Variants in CORIN observed in about 807,000 individuals in gnomAD.
CORIN encodes the protein corin, serine peptidase.
A neutral mutation model predicts 125.3 loss-of-function variants in CORIN; 117 were observed. That is an observed-to-expected ratio of 0.93 (90% CI 0.80 to 1.09). The LOEUF is 1.09. Among genes scored for constraint, CORIN ranks in the 50% least tolerant of loss-of-function variants. The probability of loss-of-function intolerance (pLI) is 0.00; values close to 1 mark genes in which losing one functional copy is unlikely to be tolerated. For missense variants in CORIN, 1,253 were observed against 1,306.7 expected, an observed-to-expected ratio of 0.96 and a Z score of 0.63; for synonymous variants, 450 against 466.4, an observed-to-expected ratio of 0.96 and a Z score of 0.45.
intron 15 of CORIN, among the ~76,000 whole-genome samples, chr4:47,642,328 G>A (rs1393129248): frequency 6.6e-6 from 1 of 152,226 alleles, no homozygotes; most frequent in African/African-American, 2.4e-5. Flanking sequence ...AAGACAGCCA[G>A]AGCCAGGCCT....
intron 3 of CORIN, among the ~76,000 whole-genome samples, chr4:47,783,058 C>T (rs1450289833): frequency 1.3e-5 from 2 of 152,040 alleles, no homozygotes; most frequent in Non-Finnish European, 2.9e-5. Flanking sequence ...CATCAATTTA[C>T]TCTCTTGTCA....
chr4:47,773,456 A>G (rs1412946204), intron 3 of CORIN, among the ~76,000 whole-genome samples: 5 of 152,200 alleles, frequency 3.3e-5, no homozygotes, highest in Non-Finnish European at 7.4e-5. Flanking sequence ...GCAGGTCTGC[A>G]TACCAAAGCC....
intron 7 of CORIN, chr4:47,682,182 G>T (rs1018104810): frequency 6.5e-6 from 1 of 152,814 alleles, no homozygotes; most frequent in Non-Finnish European, 1.5e-5. Context: ...GGTGGCTCAT[G>T]CCTGTAATCC....
At position 47,641,929 on chromosome 4, in the gene CORIN, A is replaced by C; in HGVS notation, c.2189T>G (p.Met730Arg). 1 of 1,613,316 alleles carries C rather than the reference A, an allele frequency of 6.2e-7. No individual in the cohort carries two copies. The highest frequency in any genetic ancestry group is 8.5e-7 in the Non-Finnish European group (1 of 1,179,476). ...AAACTACTGACCTTACCCTAAACCCATCTGCTTGCAGGCCAGCTGACTCAA... is the reference window on the plus strand; with the variant it reads ...AAACTACTGACCTTACCCTAAACCCCTCTGCTTGCAGGCCAGCTGACTCAA... ...EILSQLACKQ[M>R]GLGEPSVTKL... The change falls in exon 16 of 22, where the codon ATG (methionine) becomes AGG (arginine). Residue 730 changes from methionine (M) to arginine (R), a missense_variant. Coordinates refer to ENST00000273857, the MANE Select transcript of CORIN (RefSeq NM_006587.4).
chr4:47,807,082 G>T (rs1057030226), intron 1 of CORIN, 35 bp from the exon 2 acceptor site: 2 of 1,558,290 alleles, frequency 1.3e-6, no homozygotes, highest in Non-Finnish European at 1.8e-6. Context: ...CATGGTTTTA[G>T]TTTTACAATA....
intron 5 of CORIN, among the ~76,000 whole-genome samples, chr4:47,726,675 A>G (rs1043400722): frequency 6.6e-6 from 1 of 152,094 alleles, no homozygotes; most frequent in Non-Finnish European, 1.5e-5. Context: ...ACACACACAT[A>G]CAGTGAATTT....
intron 20 of CORIN, among the ~76,000 whole-genome samples, chr4:47,601,977 T>G (rs1721464673): frequency 6.6e-6 from 1 of 152,142 alleles, no homozygotes; most frequent in African/African-American, 2.4e-5. Context: ...AGCCATGGCA[T>G]TATACTTGAT....
chr4:47,827,364 T>G (rs1431566469), intron 1 of CORIN, among the ~76,000 whole-genome samples: 1 of 152,230 alleles, frequency 6.6e-6, no homozygotes, highest in Non-Finnish European at 1.5e-5. Flanking sequence ...ATAAAGCATT[T>G]TCATTAATAC....
At chr4:47,697,891 C>T (rs1045690105) in intron 5 of CORIN, among the ~76,000 whole-genome samples, 1 of 151,864 alleles carries the variant, frequency 6.6e-6, no homozygotes, top group African/African-American at 2.4e-5. Flanking sequence ...ATAGAAATAT[C>T]TAATGACGTA....
chr4:47,782,141 T>G (rs1730580607), intron 3 of CORIN, among the ~76,000 whole-genome samples: 1 of 151,886 alleles, frequency 6.6e-6, no homozygotes. Flanking sequence ...TCTCAGCACT[T>G]CGGGAGGCCA....
chr4:47,642,832 T>C (rs1242210697), intron 15 of CORIN: 3 of 1,449,404 alleles, frequency 2.1e-6, no homozygotes, highest in African/African-American at 1.4e-5. Flanking sequence ...TGGCAGACTA[T>C]CATTAAATTT....
intron 4 of CORIN, among the ~76,000 whole-genome samples, chr4:47,759,592 G>A (rs1366837335): frequency 6.6e-6 from 1 of 151,992 alleles, no homozygotes; most frequent in African/African-American, 2.4e-5. Context: ...CATATAAATG[G>A]CCAACAGGTA....
chr4:47,771,380 G>A (rs1249904077), intron 3 of CORIN, among the ~76,000 whole-genome samples: 1 of 152,192 alleles, frequency 6.6e-6, no homozygotes, highest in South Asian at 2.1e-4. Flanking sequence ...GAGGGTTACA[G>A]TAAGCTAAGA....
At chr4:47,698,134 T>C (rs577683211) in intron 5 of CORIN, among the ~76,000 whole-genome samples, 7 of 151,942 alleles carry the variant, frequency 4.6e-5, no homozygotes, top group Non-Finnish European at 8.8e-5. Flanking sequence ...GCTTATACTC[T>C]AGAATGACAA....
rs1289179751 is a variant in CORIN at position 47,665,090 on chromosome 4, A to G, written c.1531T>C (p.Cys511Arg). The G allele has an allele frequency of 1.2e-6, 2 of 1,613,864 alleles. No homozygotes were observed. The highest frequency in any genetic ancestry group is 2.7e-5 in the African/African-American group (2 of 75,014). ...NCYKYLMFFSCTILVPKCDVN... is the reference protein window; with the variant it reads ...NCYKYLMFFSRTILVPKCDVN... ...TCACATTTTGGTACCAAAATGGTGC[A>G]AGAAAAGAACATGAGGTATTTATAA... The change falls in exon 11 of 22, where the codon TGC becomes CGC. Residue 511 changes from cysteine to arginine, a missense_variant. Physicochemically the swap from Cys to Arg is radical, Grantham distance 180 (BLOSUM62 -3). Coordinates refer to ENST00000273857, the MANE Select transcript of CORIN (RefSeq NM_006587.4).
At chr4:47,780,253 T>A (rs897454905) in intron 3 of CORIN, among the ~76,000 whole-genome samples, 1 of 152,076 alleles carries the variant, frequency 6.6e-6, no homozygotes, top group Non-Finnish European at 1.5e-5. Context: ...TATGTTCATA[T>A]AAGATTGTAA....
rs142064394 is a variant in CORIN at position 47,616,309 on chromosome 4, T to C, written c.2540+7262A>G. Among the ~76,000 whole-genome samples, 187 of 152,280 alleles carry C rather than the reference T, an allele frequency of 1.2e-3. 2 individuals are homozygous for C. Among genetic ancestry groups the C allele is most frequent in the African/African-American group, 4.3e-3 (178 of 41,560 alleles). Reference sequence around the variant, plus strand: ...TTCATATTAATATTCACATACCTTATATTCATATTTTTCAAATATGAACAA... The same window carrying C: ...TTCATATTAATATTCACATACCTTACATTCATATTTTTCAAATATGAACAA... On this transcript the variant is annotated intron_variant, in intron 19 of 21. Coordinates refer to ENST00000273857, the MANE Select transcript of CORIN (RefSeq NM_006587.4).
chr4:47,600,543 AG>A (rs1406208730), intron 20 of CORIN, among the ~76,000 whole-genome samples, 196 bp from the exon 21 acceptor site: 4 of 152,230 alleles, frequency 2.6e-5, no homozygotes, highest in African/African-American at 9.6e-5. Context: ...AAGCATTCAT[AG>A]CAATTATCCG....
At chr4:47,634,694 CAAG>C (rs1405920656) in intron 16 of CORIN, among the ~76,000 whole-genome samples, 3 of 152,074 alleles carry the variant, frequency 2.0e-5, no homozygotes, top group African/African-American at 7.2e-5. Flanking sequence ...GTTGAAGAAA[CAAG>C]TATCCCAAAA....
Sources: allele counts gnomAD v4.1 joint callset (sites outside exome capture counted in the v4.1 genomes callset), GRCh38; gene constraint gnomAD v4.1.1; transcripts MANE v1.5; gene names NCBI Gene and HGNC (gene_info 2026-07-23, HGNC 2026-07-21).